CACTIN: variants seen among roughly 807,000 people sequenced by gnomAD.
CACTIN encodes the protein cactin, spliceosome C complex subunit.
In CACTIN, 20 loss-of-function variants were observed where a neutral mutation model predicts 84.9. That is an observed-to-expected ratio of 0.24 (90% CI 0.17 to 0.34). CACTIN has a LOEUF of 0.34. Among genes scored for constraint, CACTIN ranks in the 10% least tolerant of loss-of-function variants. The pLI, the probability that CACTIN is intolerant of heterozygous loss-of-function variation, is 1.00. For synonymous variants in CACTIN, 549 were observed against 467.9 expected, an observed-to-expected ratio of 1.17 and a Z score of -2.24; for missense variants, 897 against 1,117.2, an observed-to-expected ratio of 0.80 and a Z score of 2.81.
At position 3,621,102 on chromosome 19, in the gene CACTIN, G is replaced by A. The variant is rs144091769; in HGVS notation, c.643-300C>T. 956 of 496,268 alleles carry A rather than the reference G, an allele frequency of 1.9e-3. 11 individuals carry two copies. Among genetic ancestry groups the A allele is most frequent in the African/African-American group, 0.017 (892 of 51,458 alleles). 30.7% of individuals were successfully genotyped at this position (496,268 alleles called of 1,614,324 possible). Reference sequence around the variant, plus strand: ...AACTCCCAACAGGAGGGCCTTGCTCGGGGCCACCCCAGCCCCCAACAGAAG... The same window carrying A: ...AACTCCCAACAGGAGGGCCTTGCTCAGGGCCACCCCAGCCCCCAACAGAAG... On this transcript the variant is annotated intron_variant, in intron 2 of 9. Coordinates refer to ENST00000429344, the MANE Select transcript of CACTIN (RefSeq NM_001080543.2).
chr19:3,613,865 C>T, intron 7 of CACTIN: 1 of 512,928 alleles, frequency 1.9e-6, no homozygotes, highest in Non-Finnish European at 3.5e-6. Context: ...CTGGGGCTGG[C>T]CAGGAGAAGG....
chr19:3,613,523 G>A lies in CACTIN; in HGVS notation c.1419C>T (p.Gly473=), dbSNP rs762405777. The change falls in exon 8 of 10, where the codon GGC becomes GGT. Residue 473 remains glycine (G), a synonymous_variant. Transcript: ENST00000429344. ...QKLYKLKQEQ[G]VESEPLFPIL... is the part of the protein sequence containing the mutation. ...TGGGGAACAGCGGCTCGCTCTCCAC[G>A]CCCTGCTCCTGCTTCAGTTTGTACA... 1.3e-5 allele frequency: 21 copies of A among 1,591,446 alleles called. No homozygotes were observed. The highest frequency in any genetic ancestry group is 1.8e-5 in the Non-Finnish European group (21 of 1,173,786).
At chr19:3,612,736 G>A (rs1215552009) in intron 9 of CACTIN, 2 of 697,274 alleles carry the variant, frequency 2.9e-6, no homozygotes, top group Non-Finnish European at 2.6e-6. Context: ...CCCCGAGGGG[G>A]TCCTGGCCCA....
Position 3,620,697 on chromosome 19 carries a change from G to A in CACTIN, c.738+10C>T. The A allele has an allele frequency of 6.2e-7, 1 of 1,604,910 alleles. No homozygotes were observed. The highest frequency in any genetic ancestry group is 8.5e-7 in the Non-Finnish European group (1 of 1,175,160). ...GAGGGCCCTGCCCAGTGGGCTGGCA[G>A]GGTGCCTACCTTCTGCAGCTCCAGC... On this transcript the variant is annotated intron_variant, in intron 3 of 9. Transcript: ENST00000429344.
Position 3,613,405 on chromosome 19 carries a change from G to A in CACTIN, c.1479-40C>T, listed in dbSNP as rs1323418833. On this transcript the variant is annotated intron_variant, in intron 8 of 9. Coordinates refer to ENST00000429344, the MANE Select transcript of CACTIN (RefSeq NM_001080543.2). ...CGTTGGAGGCGCGGAGGCTGCCCAC[G>A]GCCCCTCCATCCTGCTCCGCGTCTG... is the stretch of plus-strand genomic sequence containing the variant. The A allele has an allele frequency of 3.9e-6, 6 of 1,537,004 alleles. No homozygotes were observed. In the Admixed American group the frequency reaches 5.9e-5, roughly 15 times the overall value.
intron 6 of CACTIN, chr19:3,616,840 G>C (rs1264472159): frequency 6.6e-6 from 1 of 151,670 alleles, no homozygotes; most frequent in African/African-American, 2.4e-5. Flanking sequence ...ATTTTCAGAA[G>C]TGGCTGGGCA....
At position 3,626,773 on chromosome 19, in the gene CACTIN, A is replaced by T. The variant is rs17674528; in HGVS notation, c.-11T>A. The T allele has an allele frequency of 1.5e-6, 2 of 1,375,294 alleles. No individual in the cohort carries two copies. Among genetic ancestry groups the T allele is most frequent in the East Asian group, 6.1e-5 (2 of 32,926 alleles). The allele number at this position is 1,375,294 out of a possible 1,614,324, so 85.2% of individuals were successfully genotyped here. On this transcript the variant is annotated 5_prime_UTR_variant, in exon 1 of 10. Transcript: ENST00000429344. ...TGTGTCCCGACCCATCGGCTGGGCC[A>T]GTGGCCGCGGCACCAACACCAATAG...
rs758102743 is a variant in CACTIN at position 3,613,085 on chromosome 19, G to C, written c.1759C>G (p.Leu587Val). The C allele has an allele frequency of 6.9e-6, 11 of 1,585,578 alleles. No homozygotes were observed. Among genetic ancestry groups the C allele is most frequent in the Non-Finnish European group, 8.5e-6 (10 of 1,171,054 alleles). ...EPDEDLQRLQ[L>V]SRQQLQVTGD... ...GTGACCTGGAGCTGCTGGCGCGAGA[G>C]CTGCAGGCGCTGCAGGTCCTCATCC... The change falls in exon 9 of 10, where the codon CTC becomes GTC. Residue 587 changes from leucine to valine, a missense_variant. Physicochemically the swap from Leu to Val is conservative, Grantham distance 32. Transcript: ENST00000429344.
At chr19:3,613,954 C>G (rs1599884912) in intron 7 of CACTIN, 1 of 415,302 alleles carries the variant, frequency 2.4e-6, no homozygotes, top group East Asian at 4.5e-5. Context: ...TGTATTTACA[C>G]AGCGGTGCCA....
At chr19:3,623,301 G>A (rs1478161018) in intron 2 of CACTIN, among the ~76,000 whole-genome samples, 2 of 151,360 alleles carry the variant, frequency 1.3e-5, no homozygotes, top group African/African-American at 2.4e-5. Flanking sequence ...AGGCCAAGGC[G>A]GGTGGATCAC....
intron 2 of CACTIN, 66 bp from the exon 3 acceptor site, chr19:3,620,868 T>G (rs774888652): frequency 3.1e-6 from 4 of 1,293,470 alleles, no homozygotes; most frequent in Non-Finnish European, 4.4e-6. Flanking sequence ...CTCAGCTCCT[T>G]CGTCCAAGAG....
In CACTIN at chr19:3,611,333, G is replaced by A. The variant is rs1023991069; in HGVS notation, c.*590C>T. On this transcript the variant is annotated 3_prime_UTR_variant, in exon 10 of 10. Coordinates refer to ENST00000429344, the MANE Select transcript of CACTIN (RefSeq NM_001080543.2). ...AGGGTCTCTTCTGCAGTGGCGGATC[G>A]GGCGCCAGCAGGGTCCCGGCCTCAG... The A allele has an allele frequency of 7.7e-5, 35 of 454,134 alleles. No individual in the cohort carries two copies. The highest frequency in any genetic ancestry group is 1.4e-4 in the Admixed American group (6 of 42,100). 28.1% of individuals were successfully genotyped at this position (454,134 alleles called of 1,614,324 possible). A position where few individuals can be genotyped will look rare whatever the true frequency, so the allele number is the denominator to read the frequency against.
chr19:3,614,058 G>T (rs1001292126), intron 7 of CACTIN: 1 of 491,588 alleles, frequency 2.0e-6, no homozygotes, highest in Middle Eastern at 5.6e-4. Flanking sequence ...GGACAGGCAG[G>T]CCGCCTGGGG....
rs1322275764 is a variant in CACTIN at position 3,611,499 on chromosome 19, G to A, written c.*424C>T. 17 of 368,238 alleles carry A rather than the reference G, an allele frequency of 4.6e-5. No homozygotes were observed. The highest frequency in any genetic ancestry group is 8.4e-5 in the Non-Finnish European group (16 of 190,376). 22.8% of individuals were successfully genotyped at this position (368,238 alleles called of 1,614,324 possible). ...TCCTGCTTCTCACGAGCCTGGCACC[G>A]CCAAGCCCAGGCCCCTCTGGCCCAT... On this transcript the variant is annotated 3_prime_UTR_variant, in exon 10 of 10. Transcript: ENST00000429344.
At chr19:3,619,865 G>A (rs1476342333) in intron 4 of CACTIN, among the ~76,000 whole-genome samples, 3 of 152,174 alleles carry the variant, frequency 2.0e-5, no homozygotes, top group Admixed American at 2.0e-4. Flanking sequence ...GAGTGTGGGA[G>A]GGACAACTGC....
chr19:3,612,308 G>C lies in CACTIN; in HGVS notation c.1892C>G (p.Ala631Gly). Residue 631 changes from alanine to glycine, a missense_variant, in exon 10 of 10, where the codon GCC (alanine) becomes GGC (glycine). By Grantham distance (60) the Ala-to-Gly change is moderately conservative. Transcript: ENST00000429344. ...FSVEMPLTGK[A>G]YLWADKYRPR... ...CCGGTACTTGTCGGCCCACAGGTAG[G>C]CCTTGCCGGTGAGTGGCATCTCCAC... The C allele has an allele frequency of 6.2e-7, 1 of 1,612,874 alleles. No homozygotes were observed. Among genetic ancestry groups the C allele is most frequent in the Non-Finnish European group, 8.5e-7 (1 of 1,179,892 alleles).
intron 2 of CACTIN, among the ~76,000 whole-genome samples, chr19:3,622,173 C>T (rs2033237735): frequency 6.6e-6 from 1 of 152,158 alleles, no homozygotes; most frequent in East Asian, 1.9e-4. Flanking sequence ...CGAGACCAGC[C>T]TGACCAACAT....
At chr19:3,618,437 G>A (rs2033152961) in intron 6 of CACTIN, among the ~76,000 whole-genome samples, 1 of 152,196 alleles carries the variant, frequency 6.6e-6, no homozygotes, top group Non-Finnish European at 1.5e-5. Flanking sequence ...GGGGGGAAAC[G>A]TGATTTTAAA....
At chr19:3,618,136 T>G (rs1358907960) in intron 6 of CACTIN, among the ~76,000 whole-genome samples, 1 of 97,178 alleles carries the variant, frequency 1.0e-5, no homozygotes, top group Non-Finnish European at 2.1e-5. Flanking sequence ...GCGTGGATTT[T>G]GGCGGGGAGG....
Sources: allele counts gnomAD v4.1 joint callset (sites outside exome capture counted in the v4.1 genomes callset), GRCh38; gene constraint gnomAD v4.1.1; transcripts MANE v1.5; gene names NCBI Gene and HGNC (gene_info 2026-07-23, HGNC 2026-07-21).